The following IL1RAPL2 variants were observed in gnomAD, a reference collection of about 807,000 sequenced individuals.
IL1RAPL2 encodes the protein X-linked interleukin-1 receptor accessory protein-like 2.
IL1RAPL2 carries 3 observed loss-of-function variants against 44.1 expected under a neutral mutation model. That is an observed-to-expected ratio of 0.07 (90% CI 0.03 to 0.18). IL1RAPL2 has a LOEUF of 0.18. Among genes scored for constraint, IL1RAPL2 ranks in the 10% least tolerant of loss-of-function variants. The probability of loss-of-function intolerance (pLI) is 1.00; values close to 1 mark genes in which losing one functional copy is unlikely to be tolerated. For missense variants in IL1RAPL2, 391 were observed against 496.4 expected (o/e 0.79, Z 2.02); for synonymous variants, 181 against 178.8 (o/e 1.01, Z -0.10).
chrX:105,535,808 A>G (rs753630852), intron 6 of IL1RAPL2, among the ~76,000 whole-genome samples: 36 of 111,594 alleles, frequency 3.2e-4, no homozygotes, highest in Non-Finnish European at 6.0e-4. Flanking sequence ...AAGCAGTAGC[A>G]TGAAGGAATG....
intron 6 of IL1RAPL2, among the ~76,000 whole-genome samples, chrX:105,560,997 G>T (rs925651258): frequency 5.4e-5 from 6 of 111,416 alleles, no homozygotes; most frequent in Admixed American, 9.6e-5. Flanking sequence ...TGAACATGGA[G>T]GATATTACGT....
chrX:105,022,934 C>A (rs192411597), intron 2 of IL1RAPL2, among the ~76,000 whole-genome samples: 2 of 110,532 alleles, frequency 1.8e-5, no homozygotes, highest in African/African-American at 6.6e-5. Context: ...CTTGGTACTT[C>A]TTGATAGCAG....
In IL1RAPL2 at chrX:104,713,140, T is replaced by G. The variant is rs1998141; in HGVS notation, c.82+54145T>G. On this transcript the variant is annotated intron_variant, in intron 2 of 10. Transcript: ENST00000372582. Reference sequence around the variant, plus strand: ...GTACTGCATGGGCCCTGGGATATCTTTAATTAGTCAGTGACGAAAGCTGGG... The same window carrying G: ...GTACTGCATGGGCCCTGGGATATCTGTAATTAGTCAGTGACGAAAGCTGGG... 7.2e-3 allele frequency among the ~76,000 whole-genome samples: 800 copies of G among 110,518 alleles called. 8 individuals are homozygous for G. Among genetic ancestry groups the G allele is most frequent in the African/African-American group, 0.024 (737 of 30,458 alleles).
chrX:104,749,837 A>T (rs1932229521), intron 2 of IL1RAPL2, among the ~76,000 whole-genome samples: 1 of 111,915 alleles, frequency 8.9e-6, no homozygotes, highest in South Asian at 3.7e-4. Context: ...GATAATGTAT[A>T]AATGCGTTAC....
intron 6 of IL1RAPL2, among the ~76,000 whole-genome samples, chrX:105,591,172 T>G (rs915508580): frequency 9.1e-6 from 1 of 110,153 alleles, no homozygotes; most frequent in African/African-American, 3.3e-5. Flanking sequence ...TTTATCCATT[T>G]CCTGTAGATT....
At chrX:105,326,928 C>T (rs773121079) in intron 5 of IL1RAPL2, among the ~76,000 whole-genome samples, 1 of 110,924 alleles carries the variant, frequency 9.0e-6, no homozygotes, top group South Asian at 3.8e-4. Context: ...TTTTGATAGG[C>T]GAATGTCTGT....
intron 6 of IL1RAPL2, among the ~76,000 whole-genome samples, chrX:105,485,422 A>G (rs2036258951): frequency 9.0e-6 from 1 of 111,543 alleles, no homozygotes; most frequent in Non-Finnish European, 1.9e-5. Context: ...TGGGGTGTCC[A>G]TCACCTGAAA....
chrX:104,670,080 G>C (rs1260950935), intron 2 of IL1RAPL2, among the ~76,000 whole-genome samples: 1 of 111,578 alleles, frequency 9.0e-6, no homozygotes, highest in East Asian at 2.8e-4. Context: ...CTATTAAGGA[G>C]AATTGACTCA....
chrX:105,542,974 T>C (rs1263112901), intron 6 of IL1RAPL2, among the ~76,000 whole-genome samples: 2 of 111,121 alleles, frequency 1.8e-5, no homozygotes, highest in Non-Finnish European at 3.8e-5. Context: ...GGCTCCATAG[T>C]ATCCTCTATT....
At chrX:104,730,370 C>CA in intron 2 of IL1RAPL2, among the ~76,000 whole-genome samples, 1 of 68,173 alleles carries the variant, frequency 1.5e-5, no homozygotes, top group Non-Finnish European at 3.1e-5. Flanking sequence ...CTATCCCTCC[C>CA]CTCCCCCCCA....
chrX:104,614,156 T>G (rs138915146), intron 1 of IL1RAPL2, among the ~76,000 whole-genome samples: 1,351 of 111,633 alleles, frequency 0.012, 25 homozygotes, highest in African/African-American at 0.042. Flanking sequence ...TTTGGTTTTG[T>G]TGATTCTTCA....
chrX:105,405,705 TTAAA>T, intron 5 of IL1RAPL2: 1 of 977,219 alleles, frequency 1.0e-6, no homozygotes, highest in Non-Finnish European at 1.5e-6. Flanking sequence ...AGTAAGAGAC[TTAAA>T]TGAATATGAC....
intron 2 of IL1RAPL2, among the ~76,000 whole-genome samples, chrX:105,036,601 G>A (rs1310709544): frequency 1.8e-5 from 2 of 112,020 alleles, no homozygotes; most frequent in African/African-American, 6.5e-5. Flanking sequence ...GACAGTTTTT[G>A]TTTCCACATA....
At chrX:105,286,470 C>CA (rs5903264) in intron 5 of IL1RAPL2, among the ~76,000 whole-genome samples, 1,945 of 91,205 alleles carry the variant, frequency 0.021, 17 homozygotes, top group African/African-American at 0.029. Flanking sequence ...TTTGCAGCCT[C>CA]AAAAAAAAAA....
At chrX:105,010,612 A>G (rs1015427695) in intron 2 of IL1RAPL2, among the ~76,000 whole-genome samples, 7 of 111,585 alleles carry the variant, frequency 6.3e-5, no homozygotes, top group African/African-American at 2.3e-4. Flanking sequence ...TTCATCTTTG[A>G]TTCACCCATT....
intron 2 of IL1RAPL2, among the ~76,000 whole-genome samples, chrX:104,699,544 G>A (rs1349958629): frequency 5.4e-5 from 6 of 111,657 alleles, no homozygotes; most frequent in Admixed American, 2.9e-4. Flanking sequence ...AGCTTCGCTC[G>A]CTTGCCCGCC....
intron 2 of IL1RAPL2, among the ~76,000 whole-genome samples, chrX:104,902,117 T>C (rs899909025): frequency 8.9e-6 from 1 of 112,113 alleles, no homozygotes; most frequent in Non-Finnish European, 1.9e-5. Context: ...GGCGTTTCTA[T>C]GAGCTCTCTT....
At chrX:105,527,278 A>G (rs146438952) in intron 6 of IL1RAPL2, among the ~76,000 whole-genome samples, 1,464 of 111,258 alleles carry the variant, frequency 0.013, 12 homozygotes, top group Middle Eastern at 0.028. Flanking sequence ...GTACAATTGA[A>G]TGGACCTATA....
rs767388073 is a variant in IL1RAPL2, at chrX:105,021,577, ATTAT to A, written c.83-173894_83-173891del. On this transcript the variant is annotated intron_variant, in intron 2 of 10. Coordinates refer to ENST00000372582, the MANE Select transcript of IL1RAPL2 (RefSeq NM_017416.2). ...ACTGACAACATCTCTGCCCTGAGTAATTATTTAGTGTACAGGGGAATTCTCAGGA... is the reference window on the plus strand; with the variant it reads ...ACTGACAACATCTCTGCCCTGAGTAATTAGTGTACAGGGGAATTCTCAGGA... 5.4e-5 allele frequency among the ~76,000 whole-genome samples: 6 copies of A among 111,318 alleles called. No homozygotes were observed. The East Asian group carries it at 1.7e-3, about 32-fold the overall frequency.
Sources: gnomAD v4.1 joint callset for allele counts (sites outside exome capture counted in the v4.1 genomes callset) on GRCh38, gnomAD v4.1.1 for gene constraint, MANE v1.5 for transcripts, NCBI Gene and HGNC (gene_info 2026-07-23, HGNC 2026-07-21) for gene names.